Variants in PPM1L observed in about 807,000 individuals in gnomAD.
PPM1L encodes the protein protein phosphatase, Mg2+/Mn2+ dependent 1L.
Under a neutral mutation model 31.4 loss-of-function variants are expected in PPM1L, and 13 were observed. The ratio of observed to expected loss-of-function variants is 0.41; its 90% CI spans 0.27 to 0.66. The LOEUF (loss-of-function observed/expected upper bound fraction) is 0.66. PPM1L is among the 30% of genes least tolerant of loss of function. PPM1L has a pLI of 0.29. For missense variants in PPM1L, 326 were observed against 453.7 expected (o/e 0.72, Z 2.56); for synonymous variants, 184 against 175.4 (o/e 1.05, Z -0.39).
At chr3:161,005,570 T>C (rs1219907194) in intron 2 of PPM1L, among the ~76,000 whole-genome samples, 1 of 152,150 alleles carries the variant, frequency 6.6e-6, no homozygotes. Context: ...CTTGCCTGCG[T>C]TTAAATTCTG....
rs1367182091 is a variant in PPM1L, at chr3:160,974,002, C to G, written c.574+12092C>G. 2.5e-4 allele frequency among the ~76,000 whole-genome samples: 33 copies of G among 129,814 alleles called. No homozygotes were observed. In the East Asian group the frequency reaches 5.9e-3, roughly 23 times the overall value. The allele number at this position is 129,814 out of a possible 152,430, so 85.2% of individuals were successfully genotyped here. On this transcript the variant is annotated intron_variant, in intron 2 of 3. Coordinates refer to ENST00000498165, the MANE Select transcript of PPM1L (RefSeq NM_139245.4). Reference sequence around the variant, plus strand: ...CGTCATCTAGCATTAGGTATATCTCCCAGTGCTATCCCTCCCCCCTCCCCC... The same window carrying G: ...CGTCATCTAGCATTAGGTATATCTCGCAGTGCTATCCCTCCCCCCTCCCCC...
chr3:160,762,657 G>C lies in PPM1L; in HGVS notation c.399+5950G>C, dbSNP rs145953797. On this transcript the variant is annotated intron_variant, in intron 1 of 3. Coordinates refer to ENST00000498165, the MANE Select transcript of PPM1L (RefSeq NM_139245.4). ...TTGGGAAATTTTGGATAATTTTGAA[G>C]AGGAACTGACATTTAATTGTATCCT... Among the ~76,000 whole-genome samples, 70 of 152,272 alleles carry C rather than the reference G, an allele frequency of 4.6e-4. 1 individual carries two copies. In the East Asian group the frequency reaches 0.013, roughly 28 times the overall value.
intron 2 of PPM1L, among the ~76,000 whole-genome samples, chr3:161,015,471 A>C (rs769879799): frequency 5.9e-5 from 9 of 152,298 alleles, no homozygotes; most frequent in East Asian, 3.9e-4. Context: ...TGCAAACTAT[A>C]TCTCTAAACT....
At chr3:160,814,203 C>T (rs189203882) in intron 1 of PPM1L, among the ~76,000 whole-genome samples, 1 of 152,220 alleles carries the variant, frequency 6.6e-6, no homozygotes, top group African/African-American at 2.4e-5. Context: ...ATCTACAGAG[C>T]TATGTCTTCA....
rs1437006176 is a variant in PPM1L at position 161,077,580 on chromosome 3, C to G, written c.*8423C>G. ...GACTAGTGTAATAACCTTATGCCCC[C>G]AAAGACAGCCCAGAACTGAGTATCT... is the stretch of plus-strand genomic sequence containing the variant. On this transcript the variant is annotated 3_prime_UTR_variant, in exon 4 of 4. Transcript: ENST00000498165. 6.6e-6 allele frequency: 1 copy of G among 152,178 alleles called. No individual in the cohort carries two copies. The highest frequency in any genetic ancestry group is 1.5e-5 in the Non-Finnish European group (1 of 68,042). 9.4% of individuals were successfully genotyped at this position (152,178 alleles called of 1,614,324 possible).
intron 2 of PPM1L, among the ~76,000 whole-genome samples, chr3:161,049,191 T>A (rs1719187253): frequency 1.3e-5 from 2 of 151,038 alleles, no homozygotes; most frequent in African/African-American, 4.9e-5. Flanking sequence ...GGTGGGAGGA[T>A]CACTTGAGGT....
At chr3:161,051,439 A>G (rs1041617474) in intron 2 of PPM1L, among the ~76,000 whole-genome samples, 1 of 152,114 alleles carries the variant, frequency 6.6e-6, no homozygotes, top group Non-Finnish European at 1.5e-5. Context: ...TACAGGAGAT[A>G]GAAGTGTGAG....
chr3:160,956,760 C>T (rs1715788343), intron 1 of PPM1L, among the ~76,000 whole-genome samples: 1 of 152,194 alleles, frequency 6.6e-6, no homozygotes, highest in Non-Finnish European at 1.5e-5. Flanking sequence ...AAGAATAGTT[C>T]CATTTGCCAG....
intron 1 of PPM1L, among the ~76,000 whole-genome samples, chr3:160,872,857 G>A (rs1712361670): frequency 6.6e-6 from 1 of 152,116 alleles, no homozygotes. Flanking sequence ...AACCCCGGAG[G>A]CAGAGCTTGC....
intron 1 of PPM1L, among the ~76,000 whole-genome samples, chr3:160,797,945 C>T (rs936260086): frequency 6.6e-6 from 1 of 152,154 alleles, no homozygotes; most frequent in Non-Finnish European, 1.5e-5. Flanking sequence ...TTTGGGAGGC[C>T]AAGGCGGGCG....
At chr3:160,976,168 G>T (rs1716564647) in intron 2 of PPM1L, among the ~76,000 whole-genome samples, 1 of 107,000 alleles carries the variant, frequency 9.3e-6, no homozygotes, top group South Asian at 3.5e-4. Context: ...TTATATGCTG[G>T]ATTACATTTA....
chr3:160,903,310 C>T (rs1713625722), intron 1 of PPM1L, among the ~76,000 whole-genome samples: 2 of 151,588 alleles, frequency 1.3e-5, no homozygotes, highest in Non-Finnish European at 2.9e-5. Flanking sequence ...TTCTGTGGGG[C>T]AGGCCAGCAG....
rs1421021579 is a variant in PPM1L, at chr3:161,021,980, T to G, written c.575-43423T>G. 3.3e-5 allele frequency among the ~76,000 whole-genome samples: 5 copies of G among 152,212 alleles called. No homozygotes were observed. In the East Asian group the frequency reaches 9.6e-4, roughly 29 times the overall value. On this transcript the variant is annotated intron_variant, in intron 2 of 3. Transcript: ENST00000498165. ...AATCTCTGCCTTTTTATTAGAATTT[T>G]TAATTCATTTATGTTTAAGGTAATT... is the stretch of plus-strand genomic sequence containing the variant.
intron 1 of PPM1L, among the ~76,000 whole-genome samples, chr3:160,843,443 TA>T (rs1483809079): frequency 9.6e-6 from 1 of 104,234 alleles, no homozygotes; most frequent in Non-Finnish European, 2.1e-5. Flanking sequence ...TATATATATA[TA>T]TATATATATA....
chr3:160,806,767 AAGAG>A (rs1258665008), intron 1 of PPM1L, among the ~76,000 whole-genome samples: 1 of 150,340 alleles, frequency 6.7e-6, no homozygotes, highest in African/African-American at 2.4e-5. Flanking sequence ...GAAAGAAAGA[AAGAG>A]AGAGAGAGAG....
rs577791555 is a variant in PPM1L at position 161,029,028 on chromosome 3, C to T, written c.575-36375C>T. 2.6e-5 allele frequency among the ~76,000 whole-genome samples: 4 copies of T among 152,236 alleles called. No homozygotes were observed. In the South Asian group the frequency reaches 8.3e-4, roughly 32 times the overall value. On this transcript the variant is annotated intron_variant, in intron 2 of 3. Coordinates refer to ENST00000498165, the MANE Select transcript of PPM1L (RefSeq NM_139245.4). ...TTAAGCACTTATGGTGAGCATAATACTTATTATTTTCCACCTCAGTTCTAG... is the reference window on the plus strand; with the variant it reads ...TTAAGCACTTATGGTGAGCATAATATTTATTATTTTCCACCTCAGTTCTAG...
chr3:160,985,631 A>G lies in PPM1L; in HGVS notation c.574+23721A>G, dbSNP rs572183391. Among the ~76,000 whole-genome samples the G allele has an allele frequency of 1.2e-4, 19 of 152,216 alleles. No individual in the cohort carries two copies. In the South Asian group the frequency reaches 1.9e-3, roughly 15 times the overall value. On this transcript the variant is annotated intron_variant, in intron 2 of 3. Transcript: ENST00000498165. ...ATTTACTGGTAGCTTTAGTTAGTAA[A>G]GTTCTTTCAAATAACACCTTGGGTG...
At chr3:160,845,598 C>T (rs903976223) in intron 1 of PPM1L, among the ~76,000 whole-genome samples, 3 of 151,860 alleles carry the variant, frequency 2.0e-5, no homozygotes, top group African/African-American at 4.8e-5. Flanking sequence ...AAATTTACTC[C>T]AATGTTTTCT....
intron 2 of PPM1L, among the ~76,000 whole-genome samples, chr3:161,051,373 T>TAC (rs5853922): frequency 0.051 from 7,453 of 147,354 alleles, 401 homozygotes; most frequent in African/African-American, 0.14. Flanking sequence ...ATTTAGTCAC[T>TAC]ACACACACAC....
Sources: allele counts gnomAD v4.1 joint callset (sites outside exome capture counted in the v4.1 genomes callset), GRCh38; gene constraint gnomAD v4.1.1; transcripts MANE v1.5; gene names NCBI Gene and HGNC (gene_info 2026-07-23, HGNC 2026-07-21).